Variants in TMCC1 observed in about 807,000 individuals in gnomAD.
TMCC1 encodes the protein transmembrane and coiled-coil domain family 1, also known as transmembrane and coiled-coil domains protein 1.
A neutral mutation model predicts 52.4 loss-of-function variants in TMCC1; 15 were observed. That is an observed-to-expected ratio of 0.29 (90% CI 0.19 to 0.44). TMCC1 has a LOEUF of 0.44. TMCC1 is among the 20% of genes least tolerant of loss of function. The pLI is 1.00. For synonymous variants in TMCC1, 279 were observed against 301.9 expected (o/e 0.92, Z 0.79); for missense variants, 503 against 806.0 (o/e 0.62, Z 4.55).
chr3:129,694,476 A>C (rs2047254738), intron 4 of TMCC1, among the ~76,000 whole-genome samples: 1 of 152,238 alleles, frequency 6.6e-6, no homozygotes, highest in Non-Finnish European at 1.5e-5. Context: ...GCTAGGCTGC[A>C]TTCCCAGCAA....
intron 4 of TMCC1, among the ~76,000 whole-genome samples, chr3:129,709,049 A>C (rs2108991673): frequency 6.6e-6 from 1 of 152,282 alleles, no homozygotes; most frequent in Non-Finnish European, 1.5e-5. Context: ...AGGAGGCTGA[A>C]ATTTGTCTAT....
chr3:129,761,800 C>A (rs1231779178), intron 4 of TMCC1, among the ~76,000 whole-genome samples: 1 of 151,766 alleles, frequency 6.6e-6, no homozygotes, highest in East Asian at 1.9e-4. Context: ...AGAGCAGCCT[C>A]GCCAACGTGG....
At chr3:129,784,521 G>A (rs1054052559) in intron 4 of TMCC1, among the ~76,000 whole-genome samples, 11 of 151,224 alleles carry the variant, frequency 7.3e-5, no homozygotes, top group Admixed American at 2.0e-4. Context: ...AGCCAAGATC[G>A]CGCCACTGCA....
intron 5 of TMCC1, among the ~76,000 whole-genome samples, chr3:129,663,513 G>C (rs927116959): frequency 2.0e-5 from 3 of 152,126 alleles, no homozygotes; most frequent in African/African-American, 7.2e-5. Flanking sequence ...CTGAATTGGG[G>C]AGAGTGGATT....
intron 2 of TMCC1, among the ~76,000 whole-genome samples, chr3:129,875,191 T>TAA (rs780151102): frequency 1.4e-5 from 2 of 140,592 alleles, no homozygotes; most frequent in African/African-American, 5.2e-5. Flanking sequence ...CATTGCTATT[T>TAA]AAAAAAAAAA....
At chr3:129,692,997 C>G (rs2047135196) in intron 4 of TMCC1, among the ~76,000 whole-genome samples, 1 of 151,928 alleles carries the variant, frequency 6.6e-6, no homozygotes, top group African/African-American at 2.4e-5. Flanking sequence ...TGCACACCAC[C>G]ATGCCCAGCT....
intron 4 of TMCC1, among the ~76,000 whole-genome samples, chr3:129,744,772 C>T (rs1056891639): frequency 3.9e-5 from 6 of 152,114 alleles, no homozygotes; most frequent in Admixed American, 3.9e-4. Flanking sequence ...TAATTACTAC[C>T]ACCCTTCACT....
chr3:129,781,534 G>A (rs1472717852), intron 4 of TMCC1, among the ~76,000 whole-genome samples: 1 of 152,074 alleles, frequency 6.6e-6, no homozygotes, highest in Non-Finnish European at 1.5e-5. Context: ...ATACAACTTA[G>A]TTTTATCTTC....
chr3:129,765,455 G>A lies in TMCC1; in HGVS notation c.576+62348C>T, dbSNP rs578127922. On this transcript the variant is annotated intron_variant, in intron 4 of 6. Transcript: ENST00000393238. ...ATAATAATCAGGGCCCTGAAGAGAG[G>A]TAGCTTTATAGTCTTTACCATAGTT... is the stretch of plus-strand genomic sequence containing the variant. Among the ~76,000 whole-genome samples, 5 of 152,164 alleles carry A rather than the reference G, an allele frequency of 3.3e-5. No homozygotes were observed. In the East Asian group the frequency reaches 9.7e-4, roughly 29 times the overall value.
chr3:129,890,420 A>T (rs2061911802), intron 1 of TMCC1, among the ~76,000 whole-genome samples: 1 of 152,252 alleles, frequency 6.6e-6, no homozygotes, highest in South Asian at 2.1e-4. Flanking sequence ...GAGCCCAAAG[A>T]AGTAAAAATC....
chr3:129,770,686 C>T lies in TMCC1; in HGVS notation c.576+57117G>A, dbSNP rs548590970. 3.3e-5 allele frequency among the ~76,000 whole-genome samples: 5 copies of T among 151,982 alleles called. No homozygotes were observed. In the South Asian group the frequency reaches 8.3e-4, roughly 25 times the overall value. ...AAAATGATTAGCACTTGGAAGACTA[C>T]AAAAACACTCCTAAACCATAGATTT... On this transcript the variant is annotated intron_variant, in intron 4 of 6. Transcript: ENST00000393238.
rs574661430 is a variant in TMCC1, at chr3:129,861,947, C to A, written c.-184+18362G>T. Among the ~76,000 whole-genome samples the A allele has an allele frequency of 3.3e-5, 5 of 152,182 alleles. No homozygotes were observed. The East Asian group carries it at 7.7e-4, about 24-fold the overall frequency. ...TATTCAAAATGGCCAAAAAATGGAACCAATGTAAATGTTCATCAACTGATG... is the reference window on the plus strand; with the variant it reads ...TATTCAAAATGGCCAAAAAATGGAAACAATGTAAATGTTCATCAACTGATG... On this transcript the variant is annotated intron_variant, in intron 2 of 6. Transcript: ENST00000393238.
intron 4 of TMCC1, among the ~76,000 whole-genome samples, chr3:129,767,210 G>A (rs1355331538): frequency 1.3e-5 from 2 of 150,084 alleles, no homozygotes; most frequent in East Asian, 3.9e-4. Flanking sequence ...GCACTGAGCC[G>A]AGATGGTGCC....
At chr3:129,808,638 G>A (rs1287747025) in intron 4 of TMCC1, among the ~76,000 whole-genome samples, 1 of 151,634 alleles carries the variant, frequency 6.6e-6, no homozygotes, top group East Asian at 1.9e-4. Flanking sequence ...AAAAAGGGAA[G>A]TGTAATCATA....
At position 129,651,488 on chromosome 3, in the gene TMCC1, G is replaced by C; in HGVS notation, c.1955C>G (p.Pro652Arg). The C allele has an allele frequency of 6.2e-7, 1 of 1,613,260 alleles. No individual in the cohort carries two copies. The highest frequency in any genetic ancestry group is 8.5e-7 in the Non-Finnish European group (1 of 1,179,396). Residue 652 changes from proline to arginine, a missense_variant, in exon 7 of 7, where the codon CCT (proline) becomes CGT (arginine). Around this residue, in one of 7 missense-constraint regions of TMCC1, gnomAD observed 50 missense variants for 62.6 expected, o/e 0.80. Coordinates refer to ENST00000393238, the MANE Select transcript of TMCC1 (RefSeq NM_001017395.5). The surrounding 1 kb of genome is among the most constrained non-coding windows in gnomAD (Gnocchi z 5.1). ...ATGCCTTCTGTGCCAGCATCATCTA[G>C]GGGATGAAAAGAACCGTTCCACATA... ...FSYVERFFSS[P>R]R is the part of the protein sequence containing the mutation.
At chr3:129,680,911 A>G (rs1397170208) in intron 4 of TMCC1, among the ~76,000 whole-genome samples, 1 of 151,980 alleles carries the variant, frequency 6.6e-6, no homozygotes, top group Non-Finnish European at 1.5e-5. Context: ...AAAAAAAAAA[A>G]AAGGAAGAAA....
At chr3:129,876,135 A>C (rs1577187588) in intron 2 of TMCC1, among the ~76,000 whole-genome samples, 1 of 132,848 alleles carries the variant, frequency 7.5e-6, no homozygotes, top group East Asian at 2.0e-4. Context: ...ATTTCATCTC[A>C]AAAAAAAAAA....
At chr3:129,798,168 G>T (rs912807084) in intron 4 of TMCC1, among the ~76,000 whole-genome samples, 2 of 151,506 alleles carry the variant, frequency 1.3e-5, no homozygotes, top group Non-Finnish European at 2.9e-5. Context: ...GCTAATTTTT[G>T]TATTTTTAGT....
intron 4 of TMCC1, among the ~76,000 whole-genome samples, chr3:129,685,697 A>G (rs2089349299): frequency 6.6e-6 from 1 of 152,218 alleles, no homozygotes; most frequent in South Asian, 2.1e-4. Context: ...GATATCACTA[A>G]AGGTTTCCCA....
Sources: allele counts gnomAD v4.1 joint callset (sites outside exome capture counted in the v4.1 genomes callset), GRCh38; gene constraint gnomAD v4.1.1; regional missense constraint gnomAD v4.1.1; non-coding constraint Gnocchi (gnomAD v3.1); transcripts MANE v1.5; gene names NCBI Gene and HGNC (gene_info 2026-07-23, HGNC 2026-07-21).